Variants in NIBAN1 observed in about 807,000 individuals in gnomAD.
NIBAN1 encodes the protein niban apoptosis regulator 1.
A neutral mutation model predicts 75.1 loss-of-function variants in NIBAN1; 81 were observed. That is an observed-to-expected ratio of 1.08 (90% CI 0.90 to 1.30). NIBAN1 has a LOEUF of 1.30. Ranked by LOEUF, NIBAN1 falls within the 50% of genes most tolerant of loss-of-function variation. NIBAN1 has a pLI of 0.00. For missense variants in NIBAN1, 1,133 were observed against 1,128.1 expected, an observed-to-expected ratio of 1.00 and a Z score of -0.06; for synonymous variants, 436 against 424.8, an observed-to-expected ratio of 1.03 and a Z score of -0.32.
intron 1 of NIBAN1, among the ~76,000 whole-genome samples, chr1:184,906,254 T>C (rs1657098895): frequency 7.0e-6 from 1 of 143,574 alleles, no homozygotes; most frequent in Non-Finnish European, 1.5e-5. Context: ...CAAGATCCTG[T>C]CTCAAAATAA....
chr1:184,811,787 C>T (rs911415655), intron 9 of NIBAN1, among the ~76,000 whole-genome samples: 2 of 152,070 alleles, frequency 1.3e-5, no homozygotes, highest in Non-Finnish European at 2.9e-5. Context: ...CCACTGCGCC[C>T]GGCTGCATTG....
In NIBAN1 at chr1:184,974,491, C is replaced by CA; in HGVS notation, c.-136dup. 1 of 1,204,542 alleles carries CA rather than the reference C, an allele frequency of 8.3e-7. No homozygotes were observed. The highest frequency in any genetic ancestry group is 1.6e-5 in the African/African-American group (1 of 62,564). The allele number at this position is 1,204,542 out of a possible 1,614,324, so 74.6% of individuals were successfully genotyped here. On this transcript the variant is annotated 5_prime_UTR_variant, in exon 1 of 14. Coordinates refer to ENST00000367511, the MANE Select transcript of NIBAN1 (RefSeq NM_052966.4). The stretch of plus-strand genomic sequence containing the variant: ...CCTTCGAGAGGCGAGAGACAGGAGG[C>CA]AAGAGGCGTCGCCTTCTGGGGCGCC...
rs146104555 is a variant in NIBAN1 at position 184,794,788 on chromosome 1, G to A, written c.*189C>T. The A allele has an allele frequency of 6.1e-4, 441 of 719,954 alleles. 3 individuals carry two copies. In the African/African-American group the frequency reaches 7.2e-3, roughly 12 times the overall value. The allele number at this position is 719,954 out of a possible 1,614,324, so 44.6% of individuals were successfully genotyped here. A position where few individuals can be genotyped will look rare whatever the true frequency, so the allele number is the denominator to read the frequency against. The stretch of plus-strand genomic sequence containing the variant: ...TAAAATACTAAAGCAAAAATTCATC[G>A]TAGAACAATTCATGTCCACAAAGGT... On this transcript the variant is annotated 3_prime_UTR_variant, in exon 14 of 14. Coordinates refer to ENST00000367511, the MANE Select transcript of NIBAN1 (RefSeq NM_052966.4).
intron 1 of NIBAN1, among the ~76,000 whole-genome samples, chr1:184,941,158 T>C (rs1658078510): frequency 6.6e-6 from 1 of 152,068 alleles, no homozygotes; most frequent in South Asian, 2.1e-4. Context: ...CAGAAGAAAT[T>C]AAGGAAAGTA....
chr1:184,956,645 T>C (rs1472337797), intron 1 of NIBAN1, among the ~76,000 whole-genome samples: 1 of 152,230 alleles, frequency 6.6e-6, no homozygotes, highest in Non-Finnish European at 1.5e-5. Context: ...TATATTACCA[T>C]ATCACAGATT....
chr1:184,969,986 C>T (rs768587004), intron 1 of NIBAN1, among the ~76,000 whole-genome samples: 1 of 151,510 alleles, frequency 6.6e-6, no homozygotes, highest in Admixed American at 6.6e-5. Context: ...GGAAACATGG[C>T]GAAACCCCGT....
chr1:184,947,028 G>A lies in NIBAN1; in HGVS notation c.55+27274C>T, dbSNP rs537536970. 1.7e-3 allele frequency among the ~76,000 whole-genome samples: 257 copies of A among 150,090 alleles called. 2 individuals carry two copies. The highest frequency in any genetic ancestry group is 6.0e-3 in the African/African-American group (243 of 40,518). On this transcript the variant is annotated intron_variant, in intron 1 of 13. Coordinates refer to ENST00000367511, the MANE Select transcript of NIBAN1 (RefSeq NM_052966.4). The stretch of plus-strand genomic sequence containing the variant: ...GTAGAGGTTGTGGTGAGCCAAGACC[G>A]CGCCATTGCACTCCAGCCTGGGCAA...
intron 9 of NIBAN1, among the ~76,000 whole-genome samples, chr1:184,809,663 ATGTG>A (rs1227949630): frequency 1.5e-5 from 2 of 132,118 alleles, no homozygotes; most frequent in Admixed American, 1.5e-4. Flanking sequence ...ACACATATAT[ATGTG>A]TGTGTGTATA....
intron 2 of NIBAN1, among the ~76,000 whole-genome samples, chr1:184,897,534 G>A (rs1447672397): frequency 1.3e-5 from 2 of 151,966 alleles, no homozygotes; most frequent in African/African-American, 4.8e-5. Flanking sequence ...GTCTTTCCCT[G>A]TTTTATGGCC....
At chr1:184,868,140 C>T in intron 5 of NIBAN1, 2 of 788,418 alleles carry the variant, frequency 2.5e-6, no homozygotes, top group Non-Finnish European at 3.1e-6. Context: ...TAACTTCCAA[C>T]TTCCTTCTTT....
At chr1:184,884,105 G>C (rs534226125) in intron 5 of NIBAN1, among the ~76,000 whole-genome samples, 1 of 152,004 alleles carries the variant, frequency 6.6e-6, no homozygotes, top group Non-Finnish European at 1.5e-5. Context: ...CTGCTTCACC[G>C]GGGCCTCCCA....
At chr1:184,835,763 T>C (rs1191655739) in intron 5 of NIBAN1, among the ~76,000 whole-genome samples, 2 of 152,256 alleles carry the variant, frequency 1.3e-5, no homozygotes. Flanking sequence ...TGGGGTTTTC[T>C]AAATATACAA....
chr1:184,818,686 T>G lies in NIBAN1; in HGVS notation c.1125A>C (p.Glu375Asp). 1.9e-6 allele frequency: 3 copies of G among 1,612,168 alleles called. No individual in the cohort carries two copies. The highest frequency in any genetic ancestry group is 1.1e-5 in the South Asian group (1 of 90,898). Reference sequence around the variant, plus strand: ...TGGTGGTCTGGAAGTTCTGGCTGACTTCATTCACCTCTTTCTCAAAGAGTA... The same window carrying G: ...TGGTGGTCTGGAAGTTCTGGCTGACGTCATTCACCTCTTTCTCAAAGAGTA... ...VRVLFEKEVNEVSQNFQTTKD... is the reference protein window; with the variant it reads ...VRVLFEKEVNDVSQNFQTTKD... The change falls in exon 9 of 14, where the codon GAA becomes GAC. Residue 375 changes from glutamate to aspartate, a missense_variant. Glu to Asp is a conservative substitution (Grantham distance 45). Transcript: ENST00000367511.
chr1:184,820,189 T>A (rs746909311), intron 8 of NIBAN1, among the ~76,000 whole-genome samples: 1 of 152,172 alleles, frequency 6.6e-6, no homozygotes, highest in Non-Finnish European at 1.5e-5. Context: ...TAATTATTAG[T>A]TAATTAACTT....
intron 1 of NIBAN1, among the ~76,000 whole-genome samples, chr1:184,939,286 G>C (rs1011160264): frequency 5.3e-5 from 8 of 152,190 alleles, no homozygotes; most frequent in African/African-American, 1.9e-4. Flanking sequence ...CTTCCAGGGG[G>C]AGTAACTGGA....
intron 1 of NIBAN1, among the ~76,000 whole-genome samples, chr1:184,973,008 C>A (rs1658977598): frequency 6.6e-6 from 1 of 152,186 alleles, no homozygotes; most frequent in Non-Finnish European, 1.5e-5. Context: ...CCTTTCAGTC[C>A]CTATACACTG....
chr1:184,920,615 C>T (rs1348981538), intron 1 of NIBAN1, among the ~76,000 whole-genome samples: 3 of 152,104 alleles, frequency 2.0e-5, no homozygotes, highest in African/African-American at 7.2e-5. Context: ...CTTTTTTAAG[C>T]TTCCACATGA....
intron 11 of NIBAN1, among the ~76,000 whole-genome samples, chr1:184,805,272 C>G (rs1416757227): frequency 1.3e-5 from 2 of 152,110 alleles, no homozygotes; most frequent in East Asian, 1.9e-4. Flanking sequence ...GGTGTATGAT[C>G]GTTTATCCTT....
chr1:184,961,047 A>G (rs1658624443), intron 1 of NIBAN1, among the ~76,000 whole-genome samples: 2 of 98,788 alleles, frequency 2.0e-5, no homozygotes, highest in South Asian at 3.2e-4. Context: ...TCCCCCTTCT[A>G]TATGCCGTTC....
Sources: gnomAD v4.1 joint callset for allele counts (sites outside exome capture counted in the v4.1 genomes callset) on GRCh38, gnomAD v4.1.1 for gene constraint, MANE v1.5 for transcripts, NCBI Gene and HGNC (gene_info 2026-07-23, HGNC 2026-07-21) for gene names.